Variants in ADAMTS16 observed in about 807,000 individuals in gnomAD.
ADAMTS16 encodes A disintegrin and metalloproteinase with thrombospondin motifs 16.
ADAMTS16 carries 94 observed loss-of-function variants against 145.8 expected under a neutral mutation model. The ratio of observed to expected loss-of-function variants is 0.64; its 90% confidence interval spans 0.55 to 0.77. The LOEUF is 0.77. Among genes scored for constraint, ADAMTS16 ranks in the 30% least tolerant of loss-of-function variants. The pLI, the probability that ADAMTS16 is intolerant of heterozygous loss-of-function variation, is 0.00. For missense variants in ADAMTS16, 1,585 were observed against 1,591.5 expected, an observed-to-expected ratio of 1.00 and a Z score of 0.07; for synonymous variants, 659 against 604.3, an observed-to-expected ratio of 1.09 and a Z score of -1.33.
At chr5:5,237,432 C>A (rs149342250) in intron 14 of ADAMTS16, among the ~76,000 whole-genome samples, 1 of 151,968 alleles carries the variant, frequency 6.6e-6, no homozygotes, top group Non-Finnish European at 1.5e-5. Flanking sequence ...AGAGAGGGGA[C>A]GTGGTGGTGC....
chr5:5,227,870 C>T (rs1271711935), intron 11 of ADAMTS16, among the ~76,000 whole-genome samples: 1 of 152,090 alleles, frequency 6.6e-6, no homozygotes, highest in East Asian at 1.9e-4. Context: ...CAGTAGAGGA[C>T]TGGTTGGATA....
chr5:5,269,590 C>T lies in ADAMTS16; in HGVS notation c.2789+6807C>T, dbSNP rs530970100. Among the ~76,000 whole-genome samples the T allele has an allele frequency of 3.9e-5, 6 of 152,148 alleles. No homozygotes were observed. Among genetic ancestry groups the T allele is most frequent in the African/African-American group, 4.8e-5 (2 of 41,430 alleles). ...CAGAATCTCCCTGTGCCTCCAACCC[C>T]GCTGCTCTGCCCTCCCTCCCATCAC... On this transcript the variant is annotated intron_variant, in intron 18 of 22. Transcript: ENST00000274181. The surrounding 1 kb of genome is among the most constrained non-coding windows in gnomAD (Gnocchi z 4.3).
intron 17 of ADAMTS16, among the ~76,000 whole-genome samples, chr5:5,259,054 C>T (rs999434372): frequency 3.3e-5 from 5 of 152,090 alleles, no homozygotes; most frequent in South Asian, 2.1e-4. Context: ...CCTCGGTACC[C>T]GTGTCCATGC....
chr5:5,227,118 A>G (rs1270562880), intron 11 of ADAMTS16, among the ~76,000 whole-genome samples: 2 of 152,244 alleles, frequency 1.3e-5, no homozygotes, highest in East Asian at 1.9e-4. Context: ...TCAGAAGAGG[A>G]CACCGGGCTC....
At chr5:5,311,287 A>G (rs1446135661) in intron 21 of ADAMTS16, among the ~76,000 whole-genome samples, 4 of 124,708 alleles carry the variant, frequency 3.2e-5, no homozygotes, top group African/African-American at 1.2e-4. Flanking sequence ...GGACCAGGCG[A>G]GTTTGACATA....
intron 7 of ADAMTS16, 125 bp from the exon 8 acceptor site, chr5:5,191,560 T>C (rs943721685): frequency 2.6e-6 from 2 of 770,126 alleles, no homozygotes; most frequent in Non-Finnish European, 4.2e-6. Context: ...TCTAAGTGTT[T>C]CCCATTTCAT....
At chr5:5,212,589 T>C (rs552796871) in intron 10 of ADAMTS16, among the ~76,000 whole-genome samples, 1 of 152,298 alleles carries the variant, frequency 6.6e-6, no homozygotes, top group East Asian at 1.9e-4. Context: ...ACTTATTTGA[T>C]ACTAATATAG....
At position 5,182,304 on chromosome 5, in the gene ADAMTS16, A is replaced by T; in HGVS notation, c.762A>T (p.Lys254Asn). ...QKQHFCGRRK[K>N]YMPQPPKEDL... The stretch of plus-strand genomic sequence containing the variant: ...AGCATTTCTGTGGAAGACGCAAGAA[A>T]TGTATGTAAGGGCGAATCTTTGTGT... The change falls in exon 4 of 23, where the codon AAA (lysine) becomes AAT (asparagine). Residue 254 changes from lysine (K) to asparagine (N), a missense_variant and splice_region_variant. By Grantham distance (94) the Lys-to-Asn change is moderately conservative (BLOSUM62 0). Transcript: ENST00000274181. The T allele has an allele frequency of 6.2e-7, 1 of 1,611,244 alleles. No homozygotes were observed. The highest frequency in any genetic ancestry group is 8.5e-7 in the Non-Finnish European group (1 of 1,177,830).
chr5:5,154,102 T>C (rs922542), intron 3 of ADAMTS16, among the ~76,000 whole-genome samples: 60,784 of 151,992 alleles, frequency 0.4, 12,698 homozygotes, highest in Admixed American at 0.52. Flanking sequence ...CAACTGACTT[T>C]AAAAAATGTT....
At chr5:5,301,150 C>A (rs933042849) in intron 18 of ADAMTS16, among the ~76,000 whole-genome samples, 9 of 152,322 alleles carry the variant, frequency 5.9e-5, no homozygotes, top group African/African-American at 1.9e-4. Flanking sequence ...CAGCCCACTG[C>A]TGCCTTGACT....
rs868681599 is a variant in ADAMTS16, at chr5:5,182,205, G to A, written c.663G>A (p.Val221=). The part of the protein sequence containing the change: ...PHAPGASEVL[V]TSRTWELAHQ... ...CTCCTGGGGCCAGTGAGGTCCTGGT[G>A]ACCTCAAGGACATGGGAGCTGGCAC... The change falls in exon 4 of 23, where the codon GTG becomes GTA. Residue 221 remains valine (V), a synonymous_variant. Coordinates refer to ENST00000274181, the MANE Select transcript of ADAMTS16 (RefSeq NM_139056.4). 1 of 1,614,166 alleles carries A rather than the reference G, an allele frequency of 6.2e-7. No homozygotes were observed. Among genetic ancestry groups the A allele is most frequent in the Non-Finnish European group, 8.5e-7 (1 of 1,180,034 alleles).
chr5:5,150,692 C>T (rs1437020752), intron 3 of ADAMTS16, among the ~76,000 whole-genome samples: 12 of 152,182 alleles, frequency 7.9e-5, no homozygotes, highest in Non-Finnish European at 1.5e-4. Context: ...ATTTCCAGCA[C>T]ATTTTGCAGT....
intron 3 of ADAMTS16, among the ~76,000 whole-genome samples, chr5:5,174,073 C>T (rs1365798802): frequency 3.3e-5 from 5 of 152,122 alleles, no homozygotes; most frequent in Admixed American, 6.6e-5. Flanking sequence ...TTCTATTGCT[C>T]ACTAATGTTC....
At chr5:5,180,256 G>GA (rs539647065) in intron 3 of ADAMTS16, among the ~76,000 whole-genome samples, 21 of 150,760 alleles carry the variant, frequency 1.4e-4, no homozygotes, top group Admixed American at 2.6e-4. Flanking sequence ...CAAAATCACT[G>GA]AAAAAAAAAT....
Position 5,239,216 on chromosome 5 carries a change from G to A in ADAMTS16, c.2220G>A (p.Gly740=), listed in dbSNP as rs1737206336. The A allele has an allele frequency of 1.2e-6, 2 of 1,603,794 alleles. No individual in the cohort carries two copies. Among genetic ancestry groups the A allele is most frequent in the East Asian group, 2.3e-5 (1 of 44,354 alleles). ...AVEDVCGVCN[G]NNSACTIHRG... is the part of the protein sequence containing the mutation. The stretch of plus-strand genomic sequence containing the variant: ...AAGACGTCTGTGGGGTGTGTAACGG[G>A]AATAACTCAGCCTGCACGATTCACA... Residue 740 remains glycine, a synonymous_variant, in exon 15 of 23, where the codon GGG becomes GGA. Coordinates refer to ENST00000274181, the MANE Select transcript of ADAMTS16 (RefSeq NM_139056.4).
chr5:5,302,647 T>G (rs1739833673), intron 18 of ADAMTS16, among the ~76,000 whole-genome samples: 1 of 152,200 alleles, frequency 6.6e-6, no homozygotes, highest in African/African-American at 2.4e-5. Flanking sequence ...AGAGAAGATG[T>G]GAATCTGTTG....
chr5:5,246,076 G>C (rs999881568), intron 17 of ADAMTS16, among the ~76,000 whole-genome samples: 7 of 152,096 alleles, frequency 4.6e-5, no homozygotes, highest in Admixed American at 2.0e-4. Flanking sequence ...GACTTCACTA[G>C]ACTTTTGTTT....
rs150443779 is a variant in ADAMTS16 at position 5,245,550 on chromosome 5, T to G, written c.2662+3359T>G. Reference sequence around the variant, plus strand: ...CATAGACCTCCTGATGTTCTGAATTTGAAACGTTTAAATCATCTTTTTCTT... The same window carrying G: ...CATAGACCTCCTGATGTTCTGAATTGGAAACGTTTAAATCATCTTTTTCTT... On this transcript the variant is annotated intron_variant, in intron 17 of 22. Coordinates refer to ENST00000274181, the MANE Select transcript of ADAMTS16 (RefSeq NM_139056.4). Among the ~76,000 whole-genome samples the G allele has an allele frequency of 1.4e-3, 214 of 152,328 alleles. 1 individual carries two copies. Among genetic ancestry groups the G allele is most frequent in the African/African-American group, 4.9e-3 (204 of 41,574 alleles).
chr5:5,169,746 C>G (rs1734998457), intron 3 of ADAMTS16, among the ~76,000 whole-genome samples: 1 of 152,134 alleles, frequency 6.6e-6, no homozygotes. Context: ...TCGTCCACGC[C>G]CAGTTTCTGC....
Sources: gnomAD v4.1 joint callset for allele counts (sites outside exome capture counted in the v4.1 genomes callset) on GRCh38, gnomAD v4.1.1 for gene constraint, Gnocchi (gnomAD v3.1) non-coding constraint, MANE v1.5 for transcripts, NCBI Gene and HGNC (gene_info 2026-07-23, HGNC 2026-07-21) for gene names.